Variants in CFAP221 observed in about 807,000 individuals in gnomAD.
The protein encoded by CFAP221 is cilia- and flagella-associated protein 221.
A neutral mutation model predicts 113.1 loss-of-function variants in CFAP221; 97 were observed. The observed-to-expected ratio is 0.86, with a 90% CI of 0.73 to 1.02. CFAP221 has a LOEUF of 1.02. CFAP221 is among the 50% of genes least tolerant of loss of function. CFAP221 has a pLI of 0.00. For missense variants in CFAP221, 1,025 were observed against 1,013.4 expected (o/e 1.01, Z -0.16); for synonymous variants, 331 against 354.4 (o/e 0.93, Z 0.74).
intron 17 of CFAP221, 89 bp from the exon 18 acceptor site, chr2:119,630,481 C>T: frequency 1.0e-6 from 1 of 980,816 alleles, no homozygotes; most frequent in Non-Finnish European, 1.6e-6. Flanking sequence ...CTTTTACCAC[C>T]AGGAAGCTCG....
In CFAP221 at chr2:119,652,040, G is replaced by T. The variant is rs11686014; in HGVS notation, c.2385G>T (p.Met795Ile). Reference sequence around the variant, plus strand: ...AAATGATCAAAGTGGAATTCCCTATGTTGAACTACAAGGACATCAGGAAGG... The same window carrying T: ...AAATGATCAAAGTGGAATTCCCTATTTTGAACTACAAGGACATCAGGAAGG... ...TPEMIKVEFP[M>I]LNYKDIRKEK... is the part of the protein sequence containing the mutation. Residue 795 changes from methionine to isoleucine, a missense_variant, in exon 23 of 24, where the codon ATG becomes ATT. By Grantham distance (10) the Met-to-Ile change is conservative. Coordinates refer to ENST00000413369, the MANE Select transcript of CFAP221 (RefSeq NM_001271049.2). 0.13 allele frequency: 208,683 copies of T among 1,611,532 alleles called. 14,000 individuals carry two copies. Among genetic ancestry groups the T allele is most frequent in the African/African-American group, 0.22 (16,548 of 74,874 alleles).
Position 119,611,669 on chromosome 2 carries a change from C to A in CFAP221, c.1238C>A (p.Pro413His). The change falls in exon 13 of 24, where the codon CCT becomes CAT. Residue 413 changes from proline to histidine, a missense_variant. Pro to His is a moderately conservative substitution (Grantham distance 77, BLOSUM62 -2). Transcript: ENST00000413369. The part of the protein sequence containing the change: ...CAKYKLDRGD[P>H]ILDEEFQRLK... ...AAAACCCAGCTAGACAGAGGAGATC[C>A]TATTTTGGATGAGGAATTTCAGCGA... The A allele has an allele frequency of 2.5e-6, 4 of 1,613,320 alleles. No individual in the cohort carries two copies. The highest frequency in any genetic ancestry group is 1.1e-5 in the South Asian group (1 of 90,926).
downstream of CFAP221, among the ~76,000 whole-genome samples, chr2:119,658,619 GCA>G (rs370284869): frequency 0.015 from 2,269 of 147,036 alleles, 22 homozygotes; most frequent in Non-Finnish European, 0.023. Flanking sequence ...CCCTCAACAC[GCA>G]CACACACACA....
intron 14 of CFAP221, among the ~76,000 whole-genome samples, chr2:119,616,434 T>C (rs942280727): frequency 2.6e-5 from 4 of 152,314 alleles, no homozygotes; most frequent in Non-Finnish European, 4.4e-5. Context: ...GGGAGAACAA[T>C]TGAGAATGTC....
intron 7 of CFAP221, among the ~76,000 whole-genome samples, chr2:119,593,757 GA>G (rs1683757187): frequency 6.6e-6 from 1 of 151,984 alleles, no homozygotes; most frequent in African/African-American, 2.4e-5. Flanking sequence ...AGAATGGCGT[GA>G]ACCTGGGAGG....
chr2:119,585,219 A>G (rs535363207), intron 6 of CFAP221, among the ~76,000 whole-genome samples: 2 of 152,344 alleles, frequency 1.3e-5, no homozygotes, highest in East Asian at 1.9e-4. Flanking sequence ...CATACTATAT[A>G]TTTTATACAT....
chr2:119,607,528 T>A (rs1288413195), intron 11 of CFAP221, among the ~76,000 whole-genome samples: 11 of 152,258 alleles, frequency 7.2e-5, no homozygotes, highest in Admixed American at 7.2e-4. Context: ...ATAAAATTCA[T>A]CATTTTAACC....
intron 3 of CFAP221, among the ~76,000 whole-genome samples, chr2:119,551,127 G>C (rs969944993): frequency 1.1e-4 from 17 of 152,208 alleles, no homozygotes; most frequent in African/African-American, 3.1e-4. Flanking sequence ...TGTGTGGATA[G>C]ATCACATTTG....
At chr2:119,578,491 CA>C (rs1484277766) in intron 6 of CFAP221, among the ~76,000 whole-genome samples, 1 of 152,196 alleles carries the variant, frequency 6.6e-6, no homozygotes, top group Non-Finnish European at 1.5e-5. Context: ...GAGCAGTTGA[CA>C]ATGGAAAAGT....
intron 21 of CFAP221, 139 bp downstream of exon 21, chr2:119,640,011 T>G (rs928825353): frequency 1.5e-6 from 1 of 673,950 alleles, no homozygotes; most frequent in Admixed American, 2.8e-5. Flanking sequence ...TCAAAGAAAT[T>G]TGATGATGTG....
intron 21 of CFAP221, among the ~76,000 whole-genome samples, chr2:119,643,243 C>T (rs1303331442): frequency 6.6e-6 from 1 of 152,184 alleles, no homozygotes; most frequent in Non-Finnish European, 1.5e-5. Context: ...GTATCTTTTG[C>T]CCCTGACAAC....
intron 19 of CFAP221, among the ~76,000 whole-genome samples, chr2:119,631,643 C>A (rs2104766801): frequency 6.6e-6 from 1 of 152,224 alleles, no homozygotes; most frequent in South Asian, 2.1e-4. Context: ...CCAGTGCACT[C>A]CAGCCTGGGT....
intron 23 of CFAP221, among the ~76,000 whole-genome samples, chr2:119,653,402 A>G (rs1688243499): frequency 6.6e-6 from 1 of 152,196 alleles, no homozygotes; most frequent in Admixed American, 6.5e-5. Flanking sequence ...TAAATAAAAT[A>G]TAAATACATA....
In CFAP221 at chr2:119,552,743, A is replaced by G. The variant is rs1381662289; in HGVS notation, c.240+3558A>G. Among the ~76,000 whole-genome samples, 4 of 91,228 alleles carry G rather than the reference A, an allele frequency of 4.4e-5. 2 individuals are homozygous for G. The highest frequency in any genetic ancestry group is 8.6e-5 in the Non-Finnish European group (4 of 46,426). 59.8% of individuals were successfully genotyped at this position (91,228 alleles called of 152,430 possible). ...TTTCTTTCTTTAATAAGAAATAAAT[A>G]GAAATATTTCTTTAATAAGAAATAA... On this transcript the variant is annotated intron_variant, in intron 3 of 23. Coordinates refer to ENST00000413369, the MANE Select transcript of CFAP221 (RefSeq NM_001271049.2).
chr2:119,617,694 G>A (rs1477379837), intron 14 of CFAP221, among the ~76,000 whole-genome samples: 6 of 152,168 alleles, frequency 3.9e-5, no homozygotes, highest in Non-Finnish European at 7.3e-5. Flanking sequence ...CTCTTGCCTG[G>A]ACCATGGCCA....
intron 14 of CFAP221, among the ~76,000 whole-genome samples, chr2:119,619,119 TG>T (rs1685717078): frequency 6.6e-6 from 1 of 152,200 alleles, no homozygotes; most frequent in South Asian, 2.1e-4. Flanking sequence ...CCCATCTCCC[TG>T]GGACAGAGCA....
intron 6 of CFAP221, chr2:119,586,569 T>TA (rs1209198622): frequency 6.6e-6 from 1 of 152,264 alleles, no homozygotes; most frequent in Non-Finnish European, 1.5e-5. Context: ...AAAGAGTACC[T>TA]AGCTTATTTC....
At chr2:119,557,519 A>ACCCCTT (rs926319142) in intron 3 of CFAP221, 1 of 152,210 alleles carries the variant, frequency 6.6e-6, no homozygotes, top group African/African-American at 2.4e-5. Context: ...CACTCACCAG[A>ACCCCTT]TTGTCATACC....
chr2:119,576,748 C>G (rs996592059), intron 6 of CFAP221, among the ~76,000 whole-genome samples: 3 of 152,182 alleles, frequency 2.0e-5, no homozygotes, highest in Non-Finnish European at 4.4e-5. Context: ...CATAAATTAT[C>G]TTAGATAAAA....
Sources: gnomAD v4.1 joint callset for allele counts (sites outside exome capture counted in the v4.1 genomes callset) on GRCh38, gnomAD v4.1.1 for gene constraint, MANE v1.5 for transcripts, NCBI Gene and HGNC (gene_info 2026-07-23, HGNC 2026-07-21) for gene names.